Variants in PARVA observed in about 807,000 individuals in gnomAD.
PARVA encodes the protein alpha-parvin.
PARVA carries 25 observed loss-of-function variants against 52.6 expected under a neutral mutation model. The observed-to-expected ratio is 0.48, with a 90% CI of 0.35 to 0.66. The LOEUF (loss-of-function observed/expected upper bound fraction) is 0.66, where lower values mean the gene tolerates loss of function less well. PARVA is among the 30% of genes least tolerant of loss of function. The probability of loss-of-function intolerance (pLI) is 0.01; values close to 1 mark genes in which losing one functional copy is unlikely to be tolerated. For synonymous variants in PARVA, 185 were observed against 179.1 expected (o/e 1.03, Z -0.26); for missense variants, 373 against 450.9 (o/e 0.83, Z 1.56).
chr11:12,493,881 T>C (rs1941263498), intron 4 of PARVA, among the ~76,000 whole-genome samples: 1 of 152,220 alleles, frequency 6.6e-6, no homozygotes. Flanking sequence ...GTCCCAAACT[T>C]AGCACAGCCC....
At chr11:12,377,915 G>C (rs374346670) in intron 1 of PARVA, 132 bp downstream of exon 1, 2 of 341,556 alleles carry the variant, frequency 5.9e-6, no homozygotes, top group South Asian at 2.6e-4. Flanking sequence ...GGCGATGCGT[G>C]CGCGCGCTTC....
intron 1 of PARVA, among the ~76,000 whole-genome samples, chr11:12,422,412 G>A (rs1940163211): frequency 1.3e-5 from 2 of 152,198 alleles, no homozygotes; most frequent in African/African-American, 2.4e-5. Flanking sequence ...GTTCCATATT[G>A]TTAGACAACT....
chr11:12,437,561 C>T (rs939585664), intron 1 of PARVA, among the ~76,000 whole-genome samples: 1 of 152,174 alleles, frequency 6.6e-6, no homozygotes, highest in Non-Finnish European at 1.5e-5. Flanking sequence ...TTGTCTTGCA[C>T]ATCTTAGGTG....
chr11:12,518,578 A>C (rs1405329650), intron 12 of PARVA, 61 bp downstream of exon 12: 4 of 1,232,210 alleles, frequency 3.2e-6, no homozygotes, highest in Non-Finnish European at 4.7e-6. Flanking sequence ...GCACATGAGT[A>C]CTCAGATTTT....
intron 1 of PARVA, among the ~76,000 whole-genome samples, chr11:12,429,188 C>T (rs2134992255): frequency 6.6e-6 from 1 of 152,220 alleles, no homozygotes; most frequent in African/African-American, 2.4e-5. Flanking sequence ...ACTTCATTGC[C>T]CAGACTGGTC....
intron 4 of PARVA, among the ~76,000 whole-genome samples, chr11:12,484,375 A>G (rs1204216109): frequency 6.6e-6 from 1 of 152,182 alleles, no homozygotes; most frequent in African/African-American, 2.4e-5. Context: ...GATGAGAGTC[A>G]TAAGCTTCCA....
At position 12,529,207 on chromosome 11, in the gene PARVA, T is replaced by C. The variant is rs1941741763; in HGVS notation, c.*1282T>C. On this transcript the variant is annotated 3_prime_UTR_variant, in exon 13 of 13. Transcript: ENST00000334956. Reference sequence around the variant, plus strand: ...TCATTTAGACCAAAGCCAAGCAGTTTCTTTGCGTGGGTTACTCAAGGGCTT... The same window carrying C: ...TCATTTAGACCAAAGCCAAGCAGTTCCTTTGCGTGGGTTACTCAAGGGCTT... The C allele has an allele frequency of 1.3e-5, 2 of 152,236 alleles. No individual in the cohort carries two copies. The highest frequency in any genetic ancestry group is 3.8e-4 in the East Asian group (2 of 5,198). The allele number at this position is 152,236 out of a possible 1,614,324, so 9.4% of individuals were successfully genotyped here.
At chr11:12,509,135 T>G (rs531507116) in intron 7 of PARVA, among the ~76,000 whole-genome samples, 2 of 151,012 alleles carry the variant, frequency 1.3e-5, no homozygotes, top group Admixed American at 1.3e-4. Flanking sequence ...CTATCAAAAT[T>G]TTGCCATGGG....
Position 12,532,731 on chromosome 11 carries a change from G to A in PARVA, c.*4806G>A, listed in dbSNP as rs1483722259. The stretch of plus-strand genomic sequence containing the variant: ...CCCTCAGTCGTGGAGCTACTCCAAT[G>A]AGAAGCCTGCCACTCCAGGGCGCAC... On this transcript the variant is annotated 3_prime_UTR_variant, in exon 13 of 13. Transcript: ENST00000334956. Among the ~76,000 whole-genome samples, 5 of 152,176 alleles carry A rather than the reference G, an allele frequency of 3.3e-5. No homozygotes were observed. Among genetic ancestry groups the A allele is most frequent in the Non-Finnish European group, 5.9e-5 (4 of 68,042 alleles).
At chr11:12,426,091 CG>C (rs1940229460) in intron 1 of PARVA, among the ~76,000 whole-genome samples, 1 of 152,058 alleles carries the variant, frequency 6.6e-6, no homozygotes. Context: ...TTCACAGTAC[CG>C]GGGGAGACGT....
intron 1 of PARVA, among the ~76,000 whole-genome samples, chr11:12,387,693 G>A (rs1303044272): frequency 7.0e-6 from 1 of 143,684 alleles, no homozygotes; most frequent in Non-Finnish European, 1.5e-5. Context: ...GGGTCCTAGA[G>A]TCCATGGGCA....
rs112596124 is a variant in PARVA, at chr11:12,431,181, G to A, written c.137-42564G>A. 6.6e-5 allele frequency among the ~76,000 whole-genome samples: 10 copies of A among 152,286 alleles called. 2 individuals are homozygous for A. The highest frequency in any genetic ancestry group is 2.4e-4 in the African/African-American group (10 of 41,556). The stretch of plus-strand genomic sequence containing the variant: ...TACCCCTGCCAGTGTTTCCCATCCT[G>A]TGTAGGCAGCCTTGTCCCCACTGGG... On this transcript the variant is annotated intron_variant, in intron 1 of 12. Transcript: ENST00000334956.
At chr11:12,379,510 A>C (rs1032853906) in intron 1 of PARVA, among the ~76,000 whole-genome samples, 17 of 152,242 alleles carry the variant, frequency 1.1e-4, no homozygotes, top group Admixed American at 5.2e-4. Context: ...TTACCAATCT[A>C]ACACTAGGTC....
intron 1 of PARVA, among the ~76,000 whole-genome samples, chr11:12,446,528 G>A (rs1440549217): frequency 2.0e-5 from 3 of 152,118 alleles, no homozygotes; most frequent in African/African-American, 7.2e-5. Context: ...AACTTACATG[G>A]AGAGTTTTAC....
chr11:12,493,361 A>T (rs1941256570), intron 4 of PARVA, among the ~76,000 whole-genome samples: 1 of 152,012 alleles, frequency 6.6e-6, no homozygotes, highest in Non-Finnish European at 1.5e-5. Context: ...ATCTCAAAAA[A>T]AAAAAAAAAG....
chr11:12,524,719 G>T (rs1941679232), intron 12 of PARVA, among the ~76,000 whole-genome samples: 1 of 152,136 alleles, frequency 6.6e-6, no homozygotes, highest in South Asian at 2.1e-4. Context: ...ACCCTCTCTG[G>T]AATTTTTTTC....
intron 1 of PARVA, among the ~76,000 whole-genome samples, chr11:12,378,170 C>T (rs1439430521): frequency 6.6e-6 from 1 of 152,082 alleles, no homozygotes; most frequent in Non-Finnish European, 1.5e-5. Flanking sequence ...CCCTCTGCGC[C>T]CGAAGGCTGG....
intron 1 of PARVA, among the ~76,000 whole-genome samples, chr11:12,442,150 AG>A: frequency 6.6e-6 from 1 of 152,350 alleles, no homozygotes; most frequent in East Asian, 1.9e-4. Context: ...CTTCAGAGCA[AG>A]TGAGAAGTAG....
intron 1 of PARVA, among the ~76,000 whole-genome samples, chr11:12,446,589 T>C (rs1223521029): frequency 6.6e-6 from 1 of 152,218 alleles, no homozygotes; most frequent in Non-Finnish European, 1.5e-5. Flanking sequence ...CTTAAATATA[T>C]TAAAACAGGC....
Sources: allele counts gnomAD v4.1 joint callset (sites outside exome capture counted in the v4.1 genomes callset), GRCh38; gene constraint gnomAD v4.1.1; transcripts MANE v1.5; gene names NCBI Gene and HGNC (gene_info 2026-07-23, HGNC 2026-07-21).